The following FSTL5 variants were observed in gnomAD, a reference collection of about 807,000 sequenced individuals.
The protein encoded by FSTL5 is follistatin like 5.
A neutral mutation model predicts 89.1 loss-of-function variants in FSTL5; 62 were observed. The ratio of observed to expected loss-of-function variants is 0.70; its 90% CI spans 0.57 to 0.86. The LOEUF is 0.86. Ranked by LOEUF, FSTL5 falls within the 40% of genes least tolerant of loss-of-function variation. The probability of loss-of-function intolerance (pLI) is 0.00; values close to 1 mark genes in which losing one functional copy is unlikely to be tolerated. For missense variants in FSTL5, 1,057 were observed against 1,001.6 expected, an observed-to-expected ratio of 1.06 and a Z score of -0.75; for synonymous variants, 383 against 346.2, an observed-to-expected ratio of 1.11 and a Z score of -1.18.
intron 4 of FSTL5, among the ~76,000 whole-genome samples, chr4:161,854,139 C>T (rs1447273886): frequency 1.3e-5 from 2 of 151,982 alleles, no homozygotes; most frequent in African/African-American, 4.8e-5. Flanking sequence ...TAGGACTGGC[C>T]AGGAGGAACA....
chr4:162,064,250 C>T (rs17459954), intron 2 of FSTL5, among the ~76,000 whole-genome samples: 35,509 of 151,822 alleles, frequency 0.23, 4,983 homozygotes, highest in Non-Finnish European at 0.32. Context: ...CCTTTGGTAC[C>T]TGCATGATAT....
chr4:161,918,213 TA>T (rs1733892035), intron 4 of FSTL5, among the ~76,000 whole-genome samples: 1 of 152,162 alleles, frequency 6.6e-6, no homozygotes, highest in Non-Finnish European at 1.5e-5. Context: ...TGCACACTAA[TA>T]AGACAGGCAA....
chr4:161,409,615 C>T (rs890235962), intron 15 of FSTL5, among the ~76,000 whole-genome samples: 1 of 152,092 alleles, frequency 6.6e-6, no homozygotes, highest in African/African-American at 2.4e-5. Context: ...CTCATCACCT[C>T]GTGATCCACC....
chr4:161,898,066 T>A (rs1733225328), intron 4 of FSTL5, among the ~76,000 whole-genome samples: 1 of 148,880 alleles, frequency 6.7e-6, no homozygotes, highest in South Asian at 2.1e-4. Flanking sequence ...GCTCATTTTT[T>A]ATTGTATTTA....
At chr4:161,763,214 A>G (rs777912342) in intron 5 of FSTL5, among the ~76,000 whole-genome samples, 2 of 152,186 alleles carry the variant, frequency 1.3e-5, no homozygotes, top group Non-Finnish European at 2.9e-5. Flanking sequence ...AGCAGACAAC[A>G]AGATAGACAA....
At chr4:161,690,090 A>C (rs1316372202) in intron 6 of FSTL5, among the ~76,000 whole-genome samples, 1 of 152,132 alleles carries the variant, frequency 6.6e-6, no homozygotes, top group Non-Finnish European at 1.5e-5. Context: ...GCTGGAACAT[A>C]CATAAACAAG....
intron 15 of FSTL5, among the ~76,000 whole-genome samples, chr4:161,405,776 T>A (rs953948618): frequency 1.3e-5 from 2 of 151,808 alleles, no homozygotes; most frequent in African/African-American, 4.8e-5. Flanking sequence ...AAAGAGAGAA[T>A]CACCAAAGCA....
chr4:161,764,593 A>G (rs142510178), intron 5 of FSTL5, among the ~76,000 whole-genome samples: 56 of 152,226 alleles, frequency 3.7e-4, no homozygotes, highest in African/African-American at 1.3e-3. Context: ...GAATGGAAAT[A>G]ATTACATTTT....
At chr4:161,878,036 T>C (rs1560895469) in intron 4 of FSTL5, among the ~76,000 whole-genome samples, 1 of 152,064 alleles carries the variant, frequency 6.6e-6, no homozygotes, top group Non-Finnish European at 1.5e-5. Context: ...TATTTATGTG[T>C]GTCTTAAAGC....
At chr4:161,442,514 C>T (rs1732808148) in intron 15 of FSTL5, among the ~76,000 whole-genome samples, 1 of 152,098 alleles carries the variant, frequency 6.6e-6, no homozygotes. Context: ...GTGTCCACAA[C>T]ACCTAAGGCC....
intron 6 of FSTL5, among the ~76,000 whole-genome samples, chr4:161,670,107 C>T (rs1162011744): frequency 6.6e-6 from 1 of 152,120 alleles, no homozygotes; most frequent in Non-Finnish European, 1.5e-5. Context: ...AATTAACTTA[C>T]CATCTTTAAT....
At chr4:161,904,446 T>A (rs1733463239) in intron 4 of FSTL5, among the ~76,000 whole-genome samples, 2 of 152,174 alleles carry the variant, frequency 1.3e-5, no homozygotes, top group South Asian at 4.1e-4. Flanking sequence ...TAAGAACTAA[T>A]ATATAAATTA....
chr4:161,521,738 A>G (rs543631619), intron 10 of FSTL5, among the ~76,000 whole-genome samples: 2 of 150,186 alleles, frequency 1.3e-5, no homozygotes, highest in South Asian at 4.2e-4. Flanking sequence ...AGTCCCAGCT[A>G]CTTGGGAAGC....
intron 4 of FSTL5, among the ~76,000 whole-genome samples, chr4:161,895,570 T>C (rs997869638): frequency 2.6e-5 from 4 of 152,164 alleles, no homozygotes; most frequent in African/African-American, 9.6e-5. Context: ...CTGCTATGAT[T>C]CTATCCACAG....
chr4:161,446,833 G>A (rs1732963762), intron 15 of FSTL5, among the ~76,000 whole-genome samples: 2 of 151,820 alleles, frequency 1.3e-5, no homozygotes, highest in South Asian at 4.1e-4. Flanking sequence ...ATTCATATTT[G>A]GGAGTGTTTT....
chr4:161,757,588 T>C (rs1331929438), intron 6 of FSTL5, among the ~76,000 whole-genome samples: 1 of 152,112 alleles, frequency 6.6e-6, no homozygotes, highest in Non-Finnish European at 1.5e-5. Context: ...ACCTCCTTCA[T>C]ATAAAGTAGA....
chr4:161,450,919 C>T (rs1318207935), intron 15 of FSTL5, among the ~76,000 whole-genome samples: 2 of 151,568 alleles, frequency 1.3e-5, no homozygotes, highest in African/African-American at 2.4e-5. Flanking sequence ...AATTTTTATG[C>T]ATTTTCAGTA....
chr4:162,028,763 C>A (rs1386202921), intron 3 of FSTL5, among the ~76,000 whole-genome samples: 1 of 151,996 alleles, frequency 6.6e-6, no homozygotes, highest in African/African-American at 2.4e-5. Flanking sequence ...ACATGAATTG[C>A]CATCTTTCAG....
intron 1 of FSTL5, among the ~76,000 whole-genome samples, chr4:162,156,717 CA>C (rs939964674): frequency 6.6e-5 from 10 of 151,918 alleles, no homozygotes; most frequent in African/African-American, 1.9e-4. Context: ...ATAAGGATGA[CA>C]ATAGCAAGCA....
Sources: allele counts gnomAD v4.1 joint callset (sites outside exome capture counted in the v4.1 genomes callset), GRCh38; gene constraint gnomAD v4.1.1; transcripts MANE v1.5; gene names NCBI Gene and HGNC (gene_info 2026-07-23, HGNC 2026-07-21).